Variants in ZNF654 observed in about 807,000 individuals in gnomAD.
ZNF654 encodes the protein melanoma-associated antigen.
ZNF654 carries 19 observed loss-of-function variants against 95.3 expected under a neutral mutation model. The observed-to-expected ratio is 0.20, with a 90% CI of 0.14 to 0.29. The LOEUF is 0.29. Ranked by LOEUF, ZNF654 falls within the 10% of genes least tolerant of loss-of-function variation. The probability of loss-of-function intolerance (pLI) is 1.00; values close to 1 mark genes in which losing one functional copy is unlikely to be tolerated. For missense variants in ZNF654, 1,046 were observed against 1,341.0 expected (o/e 0.78, Z 3.44); for synonymous variants, 413 against 457.9 (o/e 0.90, Z 1.25).
chr3:88,073,485 C>T (rs1007544919), intron 1 of ZNF654, among the ~76,000 whole-genome samples: 41 of 152,048 alleles, frequency 2.7e-4, no homozygotes, highest in Non-Finnish European at 4.4e-4. Flanking sequence ...AGTAAGCTAT[C>T]GAAGTATCCC....
chr3:88,068,302 T>C (rs1244937610), intron 1 of ZNF654, among the ~76,000 whole-genome samples: 1 of 152,038 alleles, frequency 6.6e-6, no homozygotes, highest in Non-Finnish European at 1.5e-5. Context: ...TTAATTAACT[T>C]TGAGACAGAA....
In ZNF654 at chr3:88,141,679, A is replaced by G. The variant is rs952645478; in HGVS notation, c.*27A>G. On this transcript the variant is annotated 3_prime_UTR_variant, in exon 9 of 9. Coordinates refer to ENST00000636215, the MANE Select transcript of ZNF654 (RefSeq NM_001350134.2). ...GAAAACGGTTCAGAAAGATCTGTCA[A>G]TCAAGCAGTAGTGTGAAAAAAGCAC... 2.0e-6 allele frequency: 3 copies of G among 1,494,132 alleles called. No homozygotes were observed. The highest frequency in any genetic ancestry group is 1.8e-6 in the Non-Finnish European group (2 of 1,105,570). The allele number at this position is 1,494,132 out of a possible 1,614,324, so 92.6% of individuals were successfully genotyped here.
At chr3:88,136,306 G>A (rs1359396268) in intron 7 of ZNF654, among the ~76,000 whole-genome samples, 1 of 152,132 alleles carries the variant, frequency 6.6e-6, no homozygotes, top group African/African-American at 2.4e-5. Flanking sequence ...ATTTTCATAT[G>A]TGGGGTAAAC....
chr3:88,091,970 G>T (rs1708655511), intron 2 of ZNF654, among the ~76,000 whole-genome samples: 1 of 152,256 alleles, frequency 6.6e-6, no homozygotes, highest in Admixed American at 6.5e-5. Context: ...TACTGCCCAT[G>T]TAAAAAATAA....
chr3:88,102,568 T>A (rs1704488251), intron 2 of ZNF654, among the ~76,000 whole-genome samples: 1 of 152,218 alleles, frequency 6.6e-6, no homozygotes, highest in Non-Finnish European at 1.5e-5. Flanking sequence ...TCACTGGGAT[T>A]CACAAACTAT....
chr3:88,099,710 A>G (rs1390182369), intron 2 of ZNF654, among the ~76,000 whole-genome samples: 3 of 152,236 alleles, frequency 2.0e-5, no homozygotes. Context: ...CCTGACAAAA[A>G]CAAGAAATGG....
intron 4 of ZNF654, 98 bp from the exon 5 acceptor site, chr3:88,128,711 C>A: frequency 1.3e-6 from 1 of 788,828 alleles, no homozygotes; most frequent in Non-Finnish European, 1.9e-6. Flanking sequence ...GTAGTTAAAT[C>A]TAATTAGAAA....
intron 7 of ZNF654, among the ~76,000 whole-genome samples, chr3:88,137,097 A>G (rs1576352078): frequency 7.0e-6 from 1 of 142,956 alleles, no homozygotes; most frequent in African/African-American, 2.6e-5. Flanking sequence ...GGGGAGGCTG[A>G]GGCAGGAGAA....
intron 7 of ZNF654, among the ~76,000 whole-genome samples, chr3:88,136,443 TGTGAAGAGTC>T (rs1428278985): frequency 3.9e-5 from 6 of 152,198 alleles, no homozygotes; most frequent in Non-Finnish European, 5.9e-5. Flanking sequence ...GCCTCAGTAC[TGTGAAGAGTC>T]ATAAATACTG....
At chr3:88,128,563 C>T (rs1706259099) in intron 4 of ZNF654, among the ~76,000 whole-genome samples, 1 of 151,906 alleles carries the variant, frequency 6.6e-6, no homozygotes, top group Admixed American at 6.6e-5. Context: ...AATTTTGTTT[C>T]TGTTATTTAC....
chr3:88,129,204 T>C, intron 5 of ZNF654, 193 bp downstream of exon 5: 1 of 516,378 alleles, frequency 1.9e-6, no homozygotes, highest in Non-Finnish European at 3.4e-6. Context: ...AAATCTGATA[T>C]TAACAAATGA....
intron 1 of ZNF654, among the ~76,000 whole-genome samples, chr3:88,079,663 A>T (rs1307425960): frequency 2.6e-5 from 4 of 152,064 alleles, no homozygotes; most frequent in Non-Finnish European, 5.9e-5. Flanking sequence ...AGGTTGGACT[A>T]GATAATCTTC....
At chr3:88,095,935 A>C in intron 2 of ZNF654, 1 of 364,964 alleles carries the variant, frequency 2.7e-6, no homozygotes, top group Non-Finnish European at 5.1e-6. Flanking sequence ...TCATTCTCTG[A>C]TGAAATGTTA....
chr3:88,097,955 T>G (rs1323816946), intron 2 of ZNF654, among the ~76,000 whole-genome samples: 2 of 152,036 alleles, frequency 1.3e-5, no homozygotes, highest in Non-Finnish European at 2.9e-5. Context: ...ATTCAAAAGC[T>G]AGCAGAAGAC....
intron 1 of ZNF654, among the ~76,000 whole-genome samples, chr3:88,066,014 A>G (rs12632529): frequency 0.78 from 119,218 of 152,190 alleles, 47,620 homozygotes; most frequent in South Asian, 0.91. Context: ...GATTACAGGC[A>G]TGAGCTACCG....
intron 6 of ZNF654, among the ~76,000 whole-genome samples, chr3:88,133,589 T>G (rs1300058353): frequency 1.3e-5 from 2 of 152,030 alleles, no homozygotes; most frequent in East Asian, 3.8e-4. Flanking sequence ...TTTCCAAATA[T>G]AGCAGTCAGC....
chr3:88,096,564 G>A (rs570394323), intron 2 of ZNF654, among the ~76,000 whole-genome samples: 1 of 152,116 alleles, frequency 6.6e-6, no homozygotes, highest in East Asian at 1.9e-4. Context: ...TTTTAGATTG[G>A]CAATTTTTTT....
intron 1 of ZNF654, among the ~76,000 whole-genome samples, chr3:88,063,313 G>A (rs987289121): frequency 1.3e-5 from 2 of 152,098 alleles, no homozygotes; most frequent in African/African-American, 4.8e-5. Context: ...GCGTAATGCC[G>A]ATATAAATGG....
At chr3:88,138,628 G>A in intron 7 of ZNF654, 77 bp from the exon 8 acceptor site, 1 of 844,808 alleles carries the variant, frequency 1.2e-6, no homozygotes, top group Non-Finnish European at 1.6e-6. Flanking sequence ...TTTAAGAGTT[G>A]TGTTTTTTAA....
Sources: gnomAD v4.1 joint callset for allele counts (sites outside exome capture counted in the v4.1 genomes callset) on GRCh38, gnomAD v4.1.1 for gene constraint, MANE v1.5 for transcripts, NCBI Gene and HGNC (gene_info 2026-07-23, HGNC 2026-07-21) for gene names.